Variants in DHX30 observed in about 807,000 individuals in gnomAD.
DHX30 encodes the protein ATP-dependent RNA helicase DHX30.
In DHX30, 4 loss-of-function variants were observed where a neutral mutation model predicts 116.9. The ratio of observed to expected loss-of-function variants is 0.03; its 90% CI spans 0.02 to 0.08. The LOEUF is 0.08. DHX30 is among the 10% of genes least tolerant of loss of function. DHX30 has a pLI of 1.00. For synonymous variants in DHX30, 697 were observed against 651.7 expected, an observed-to-expected ratio of 1.07 and a Z score of -1.06; for missense variants, 871 against 1,595.1, an observed-to-expected ratio of 0.55 and a Z score of 7.73.
At chr3:47,837,830 G>T (rs1344314548) in intron 6 of DHX30, among the ~76,000 whole-genome samples, 3 of 152,162 alleles carry the variant, frequency 2.0e-5, no homozygotes, top group African/African-American at 4.8e-5. Context: ...TGAGGAGGTG[G>T]GAGGGAGAAT....
rs150359620 is a variant in DHX30, at chr3:47,836,238, T to G, written c.367-4639T>G. On this transcript the variant is annotated intron_variant, in intron 6 of 21. Coordinates refer to ENST00000445061, the MANE Select transcript of DHX30 (RefSeq NM_138615.3). ...TCTGCCTCCTGGATTTAAGTGATTC[T>G]CCTGCCTCAGCCTCCCTCATAGCTG... 2.4e-3 allele frequency among the ~76,000 whole-genome samples: 365 copies of G among 152,012 alleles called. 2 individuals carry two copies. The highest frequency in any genetic ancestry group is 8.3e-3 in the African/African-American group (343 of 41,444).
chr3:47,819,781 C>T (rs1176262009), intron 4 of DHX30, among the ~76,000 whole-genome samples: 2 of 152,108 alleles, frequency 1.3e-5, no homozygotes, highest in African/African-American at 2.4e-5. Context: ...ACCTCCTTGA[C>T]CCCCCTTCCT....
At chr3:47,837,820 TGAG>T (rs776096120) in intron 6 of DHX30, among the ~76,000 whole-genome samples, 31 of 152,008 alleles carry the variant, frequency 2.0e-4, no homozygotes, top group Admixed American at 9.8e-4. Flanking sequence ...CCTGGACAGT[TGAG>T]GAGGTGGGAG....
intron 2 of DHX30, among the ~76,000 whole-genome samples, chr3:47,807,247 G>A (rs1038404020): frequency 2.6e-5 from 4 of 151,972 alleles, no homozygotes; most frequent in East Asian, 1.9e-4. Flanking sequence ...AAGGAAGACC[G>A]CTTTCTTTTG....
intron 4 of DHX30, chr3:47,825,270 G>A (rs1373733848): frequency 5.3e-6 from 3 of 566,358 alleles, no homozygotes. Context: ...GCGGGGGCGG[G>A]CGGTCCGCAG....
chr3:47,835,260 G>A (rs926697228), intron 6 of DHX30, among the ~76,000 whole-genome samples: 9 of 148,830 alleles, frequency 6.0e-5, no homozygotes, highest in East Asian at 2.0e-4. Flanking sequence ...TGCAACCTCC[G>A]TCTCCTGGGT....
chr3:47,848,390 C>A lies in DHX30; in HGVS notation c.2493+4C>A. 6.2e-7 allele frequency: 1 copy of A among 1,613,966 alleles called. No individual in the cohort carries two copies. The highest frequency in any genetic ancestry group is 8.5e-7 in the Non-Finnish European group (1 of 1,179,994). ...AATCCACATGCCTGAGAAGACGGTG[C>A]GGCGGGGCGGGGCAGGGGCTGGCCT... On this transcript the variant is annotated splice_donor_region_variant and intron_variant, in intron 15 of 21. Transcript: ENST00000445061. The surrounding 1 kb of genome is among the most constrained non-coding windows in gnomAD (Gnocchi z 9.4).
At chr3:47,838,198 T>C (rs2037210992) in intron 6 of DHX30, among the ~76,000 whole-genome samples, 1 of 152,190 alleles carries the variant, frequency 6.6e-6, no homozygotes, top group Non-Finnish European at 1.5e-5. Context: ...CGAATGTGTG[T>C]GTGGCATACC....
At position 47,847,478 on chromosome 3, in the gene DHX30, G is replaced by A; in HGVS notation, c.2052G>A (p.Val684=). The change falls in exon 13 of 22, where the codon GTG becomes GTA. Residue 684 remains valine (V), a synonymous_variant. Transcript: ENST00000445061. This position sits in a 1 kb window ranked among gnomAD's most constrained non-coding sequence, Gnocchi z 5.5. ...CTGGGTGGCAGGAGATCAAAGGAGT[G>A]CAGCAGCGCCTCCAGGAGGCCCTGG... The part of the protein sequence containing the change: ...FLPGWQEIKG[V]QQRLQEALGM... The A allele has an allele frequency of 6.2e-7, 1 of 1,613,234 alleles. No individual in the cohort carries two copies. The highest frequency in any genetic ancestry group is 2.2e-5 in the East Asian group (1 of 44,838).
chr3:47,839,057 G>T (rs557197073), intron 6 of DHX30, among the ~76,000 whole-genome samples: 6 of 151,594 alleles, frequency 4.0e-5, no homozygotes, highest in African/African-American at 1.5e-4. Flanking sequence ...CTTATATTCC[G>T]AACTGCTTGA....
At chr3:47,834,718 C>T (rs1000312939) in intron 6 of DHX30, among the ~76,000 whole-genome samples, 9 of 151,940 alleles carry the variant, frequency 5.9e-5, no homozygotes, top group Non-Finnish European at 1.2e-4. Flanking sequence ...TCTCAGCCTC[C>T]CAAAGTGCTG....
At chr3:47,823,274 G>A (rs1054063050) in intron 4 of DHX30, among the ~76,000 whole-genome samples, 1 of 151,474 alleles carries the variant, frequency 6.6e-6, no homozygotes, top group Non-Finnish European at 1.5e-5. Context: ...TACAATTCAA[G>A]ATGAGATTTG....
chr3:47,849,353 C>T lies in DHX30; in HGVS notation c.3087+4C>T, dbSNP rs527482771. On this transcript the variant is annotated splice_donor_region_variant and intron_variant, in intron 19 of 21. Transcript: ENST00000445061. ...CCTCTACCCCAACCTCATCCAGGTG[C>T]TGCCTCTGGGAGGGAATGGAGTTCA... The T allele has an allele frequency of 6.2e-7, 1 of 1,610,112 alleles. No homozygotes were observed. The highest frequency in any genetic ancestry group is 8.5e-7 in the Non-Finnish European group (1 of 1,177,594).
chr3:47,845,515 C>A, intron 9 of DHX30, 185 bp from the exon 10 acceptor site: 5 of 650,732 alleles, frequency 7.7e-6, no homozygotes, highest in Non-Finnish European at 1.1e-5. Context: ...TTTTTTAAAA[C>A]GTTTATTTTG....
chr3:47,814,979 C>T (rs2106956794), intron 3 of DHX30, among the ~76,000 whole-genome samples: 1 of 152,032 alleles, frequency 6.6e-6, no homozygotes, highest in East Asian at 1.9e-4. Flanking sequence ...CTGCCTTGGC[C>T]TCCCAAAGTG....
At position 47,806,030 on chromosome 3, in the gene DHX30, C is replaced by T. The variant is rs376015314; in HGVS notation, c.-28+610C>T. ...TGTTTTTGAGACAGTCTTGCCCTGT[C>T]GCCCAGGCTGGAGTGCAGTGGTGCA... On this transcript the variant is annotated intron_variant, in intron 2 of 21. Transcript: ENST00000445061. 1.1e-4 allele frequency among the ~76,000 whole-genome samples: 17 copies of T among 152,134 alleles called. No individual in the cohort carries two copies. In the East Asian group the frequency reaches 2.7e-3, roughly 24 times the overall value.
chr3:47,842,976 A>T, intron 8 of DHX30, 130 bp from the exon 9 acceptor site: 3 of 1,177,658 alleles, frequency 2.5e-6, no homozygotes, highest in Admixed American at 4.2e-5. Context: ...CACCTCTAGC[A>T]TGGCTCACGC....
chr3:47,841,839 C>T, intron 8 of DHX30, 102 bp downstream of exon 8: 2 of 1,518,308 alleles, frequency 1.3e-6, no homozygotes, highest in Non-Finnish European at 1.8e-6. Flanking sequence ...GTGTGTTCCT[C>T]CAGCCCAAAC....
chr3:47,847,949 A>G lies in DHX30; in HGVS notation c.2279A>G (p.Lys760Arg). 6.2e-7 allele frequency: 1 copy of G among 1,613,492 alleles called. No individual in the cohort carries two copies. Among genetic ancestry groups the G allele is most frequent in the Non-Finnish European group, 8.5e-7 (1 of 1,179,434 alleles). Residue 760 changes from lysine (K) to arginine (R), a missense_variant, in exon 14 of 22, where the codon AAG becomes AGG. Coordinates refer to ENST00000445061, the MANE Select transcript of DHX30 (RefSeq NM_138615.3). The surrounding 1 kb of genome is among the most constrained non-coding windows in gnomAD (Gnocchi z 5.5). Reference sequence around the variant, plus strand: ...CACAAGGAAGAACGCTATGACCTGAAGACCAAGGTGGCACCTACCTCCTGG... The same window carrying G: ...CACAAGGAAGAACGCTATGACCTGAGGACCAAGGTGGCACCTACCTCCTGG... ...GLHKEERYDL[K>R]TKVSCLETVW...
Sources: allele counts gnomAD v4.1 joint callset (sites outside exome capture counted in the v4.1 genomes callset), GRCh38; gene constraint gnomAD v4.1.1; non-coding constraint Gnocchi (gnomAD v3.1); transcripts MANE v1.5; gene names NCBI Gene and HGNC (gene_info 2026-07-23, HGNC 2026-07-21).